ATP10D: variants seen among roughly 807,000 people sequenced by gnomAD.
ATP10D encodes phospholipid-transporting ATPase VD.
Under a neutral mutation model 144.8 loss-of-function variants are expected in ATP10D, and 89 were observed. The observed-to-expected ratio is 0.61, with a 90% CI of 0.52 to 0.73. ATP10D has a LOEUF of 0.73. Ranked by LOEUF, ATP10D falls within the 30% of genes least tolerant of loss-of-function variation. ATP10D has a pLI of 0.00. For synonymous variants in ATP10D, 571 were observed against 615.1 expected (o/e 0.93, Z 1.06); for missense variants, 1,603 against 1,714.8 (o/e 0.93, Z 1.15).
intron 15 of ATP10D, among the ~76,000 whole-genome samples, chr4:47,564,958 C>CGTTT (rs201494373): frequency 0.019 from 2,861 of 152,178 alleles, 78 homozygotes; most frequent in African/African-American, 0.06. Context: ...AACATGTTTT[C>CGTTT]GTTTGTTTAT....
intron 4 of ATP10D, among the ~76,000 whole-genome samples, chr4:47,524,570 C>T (rs1717135319): frequency 6.6e-6 from 1 of 152,190 alleles, no homozygotes; most frequent in South Asian, 2.1e-4. Context: ...ACTACTTTTG[C>T]ACCAGTCTAA....
chr4:47,574,008 A>G (rs1360068131), intron 18 of ATP10D, among the ~76,000 whole-genome samples: 1 of 152,238 alleles, frequency 6.6e-6, no homozygotes, highest in African/African-American at 2.4e-5. Context: ...TTTGAAATGT[A>G]TAAAATCTCT....
chr4:47,523,029 T>G lies in ATP10D; in HGVS notation c.503T>G (p.Ile168Ser). The G allele has an allele frequency of 1.9e-6, 3 of 1,611,394 alleles. No homozygotes were observed. Among genetic ancestry groups the G allele is most frequent in the Non-Finnish European group, 2.5e-6 (3 of 1,178,376 alleles). Residue 168 changes from isoleucine to serine, a missense_variant, in exon 4 of 23, where the codon ATT becomes AGT. Coordinates refer to ENST00000273859, the MANE Select transcript of ATP10D (RefSeq NM_020453.4). ...KVYSRKEKKY[I>S]DRCWKDVTVG... ...AATTACAGGAAAGAGAAAAAATACA[T>G]TGACCGATGCTGGAAAGACGTTACT...
At chr4:47,551,595 A>C (rs1246128647) in intron 10 of ATP10D, among the ~76,000 whole-genome samples, 1 of 152,226 alleles carries the variant, frequency 6.6e-6, no homozygotes, top group East Asian at 1.9e-4. Flanking sequence ...TTGCTTACCC[A>C]TGTGTCAAGT....
Position 47,523,131 on chromosome 4 carries a change from A to T in ATP10D, c.605A>T (p.Asp202Val). 1 of 1,614,090 alleles carries T rather than the reference A, an allele frequency of 6.2e-7. No individual in the cohort carries two copies. Reference sequence around the variant, plus strand: ...GTACTACTCTTTTCCACTGATCCAGATGGAATCTGTCACATTGAGACTTCT... The same window carrying T: ...GTACTACTCTTTTCCACTGATCCAGTTGGAATCTGTCACATTGAGACTTCT... ...DMVLLFSTDP[D>V]GICHIETSGL... Residue 202 changes from aspartate (D) to valine (V), a missense_variant, in exon 4 of 23, where the codon GAT becomes GTT. Coordinates refer to ENST00000273859, the MANE Select transcript of ATP10D (RefSeq NM_020453.4).
At chr4:47,552,022 T>G (rs888764072) in intron 10 of ATP10D, among the ~76,000 whole-genome samples, 1 of 152,228 alleles carries the variant, frequency 6.6e-6, no homozygotes. Context: ...TTAAATCTTC[T>G]GGGCTCTTTT....
intron 1 of ATP10D, 120 bp from the exon 2 acceptor site, chr4:47,512,384 T>A: frequency 1.6e-6 from 1 of 628,364 alleles, no homozygotes; most frequent in Non-Finnish European, 2.6e-6. Flanking sequence ...TTTTACTTTC[T>A]CCCTTACATG....
intron 16 of ATP10D, 50 bp from the exon 17 acceptor site, chr4:47,572,104 C>A (rs1244436530): frequency 6.5e-7 from 1 of 1,541,276 alleles, no homozygotes; most frequent in African/African-American, 1.4e-5. Context: ...ACATTTACAC[C>A]CTTTCTTTAC....
intron 3 of ATP10D, among the ~76,000 whole-genome samples, chr4:47,520,299 T>A (rs1242501171): frequency 6.6e-6 from 1 of 152,160 alleles, no homozygotes; most frequent in East Asian, 1.9e-4. Context: ...GAAGAGGGAA[T>A]TCCCTTTCTT....
intron 9 of ATP10D, among the ~76,000 whole-genome samples, chr4:47,540,535 C>T (rs1466623758): frequency 6.6e-6 from 1 of 152,092 alleles, no homozygotes; most frequent in Non-Finnish European, 1.5e-5. Context: ...AAGAGAATGA[C>T]TTTCTTAAAA....
At chr4:47,565,743 T>A (rs1210051878) in intron 15 of ATP10D, among the ~76,000 whole-genome samples, 1 of 151,384 alleles carries the variant, frequency 6.6e-6, no homozygotes, top group East Asian at 1.9e-4. Context: ...ATGCAATATA[T>A]CCATATAAAA....
chr4:47,578,634 G>A (rs1720355503), intron 19 of ATP10D, among the ~76,000 whole-genome samples: 2 of 152,084 alleles, frequency 1.3e-5, no homozygotes, highest in African/African-American at 4.8e-5. Context: ...TTATCCCTAA[G>A]TGGTTCTCTC....
chr4:47,497,662 TTAAA>T (rs1186930946), intron 1 of ATP10D, among the ~76,000 whole-genome samples: 1 of 152,174 alleles, frequency 6.6e-6, no homozygotes, highest in Non-Finnish European at 1.5e-5. Context: ...TCAAATTGAC[TTAAA>T]TAATTTATGA....
rs5858075 is a variant in ATP10D, at chr4:47,502,471, T to TA, written c.-37-10020dup. Among the ~76,000 whole-genome samples, 922 of 141,430 alleles carry TA rather than the reference T, an allele frequency of 6.5e-3. 15 individuals are homozygous for TA. Among genetic ancestry groups the TA allele is most frequent in the Admixed American group, 0.039 (549 of 13,958 alleles). The allele number at this position is 141,430 out of a possible 152,430, so 92.8% of individuals were successfully genotyped here. A position where few individuals can be genotyped will look rare whatever the true frequency, so the allele number is the denominator to read the frequency against. On this transcript the variant is annotated intron_variant, in intron 1 of 22. Coordinates refer to ENST00000273859, the MANE Select transcript of ATP10D (RefSeq NM_020453.4). ...GGCGTTAGAGTGAGACTACGTCTCA[T>TA]AAAAAAAAAAAAATCTGAAGTGTAT...
At chr4:47,499,856 C>T (rs1715590624) in intron 1 of ATP10D, among the ~76,000 whole-genome samples, 1 of 152,094 alleles carries the variant, frequency 6.6e-6, no homozygotes, top group Non-Finnish European at 1.5e-5. Flanking sequence ...AAAAATAAGT[C>T]CTATTTGTTT....
chr4:47,540,459 A>G (rs189077981), intron 9 of ATP10D, among the ~76,000 whole-genome samples: 41 of 152,334 alleles, frequency 2.7e-4, no homozygotes, highest in Admixed American at 6.5e-4. Flanking sequence ...ATGCATTTTA[A>G]TAATATCCCC....
chr4:47,582,132 C>T (rs1720551175), intron 21 of ATP10D, 68 bp downstream of exon 21: 21 of 1,261,182 alleles, frequency 1.7e-5, no homozygotes, highest in Non-Finnish European at 2.3e-5. Context: ...CTTCTATTAG[C>T]AGTGACCCTG....
At chr4:47,586,869 C>T in intron 21 of ATP10D, 150 bp from the exon 22 acceptor site, 1 of 644,546 alleles carries the variant, frequency 1.6e-6, no homozygotes, top group East Asian at 2.7e-5. Context: ...CTCCCATCTC[C>T]TTGATATCTT....
chr4:47,541,750 T>TC (rs1320035713), intron 9 of ATP10D, among the ~76,000 whole-genome samples: 1 of 152,216 alleles, frequency 6.6e-6, no homozygotes, highest in Non-Finnish European at 1.5e-5. Flanking sequence ...ACTTCTTCCA[T>TC]ATATCAAATT....
Sources: gnomAD v4.1 joint callset for allele counts (sites outside exome capture counted in the v4.1 genomes callset) on GRCh38, gnomAD v4.1.1 for gene constraint, MANE v1.5 for transcripts, NCBI Gene and HGNC (gene_info 2026-07-23, HGNC 2026-07-21) for gene names.